The following SLC18B1 variants were observed in gnomAD, a reference collection of about 807,000 sequenced individuals.
The protein encoded by SLC18B1 is MFS-type transporter SLC18B1.
Under a neutral mutation model 53.9 loss-of-function variants are expected in SLC18B1, and 62 were observed. The ratio of observed to expected loss-of-function variants is 1.15; its 90% CI spans 0.94 to 1.42. The LOEUF is 1.42. Ranked by LOEUF, SLC18B1 falls within the 40% of genes most tolerant of loss-of-function variation. SLC18B1 has a pLI of 0.00. For synonymous variants in SLC18B1, 217 were observed against 200.9 expected (o/e 1.08, Z -0.68); for missense variants, 598 against 547.3 (o/e 1.09, Z -0.93).
At chr6:132,786,599 AC>A (rs1781383021) in intron 5 of SLC18B1, among the ~76,000 whole-genome samples, 1 of 150,854 alleles carries the variant, frequency 6.6e-6, no homozygotes, top group African/African-American at 2.4e-5. Context: ...GACTATTTAC[AC>A]CACAAAGGGT....
chr6:132,796,741 C>A lies in SLC18B1; in HGVS notation c.183+241G>T, dbSNP rs959384598. The stretch of plus-strand genomic sequence containing the variant: ...AGACTACATGGTAAGAAAAGTAATT[C>A]TCAGAAGATCAACTACTTTTAGGTG... On this transcript the variant is annotated intron_variant, in intron 2 of 13. Transcript: ENST00000275227. Among the ~76,000 whole-genome samples, 7 of 152,012 alleles carry A rather than the reference C, an allele frequency of 4.6e-5. No individual in the cohort carries two copies. The East Asian group carries it at 1.4e-3, about 29-fold the overall frequency.
At chr6:132,778,262 A>T (rs1257240103) in intron 7 of SLC18B1, among the ~76,000 whole-genome samples, 2 of 152,172 alleles carry the variant, frequency 1.3e-5, no homozygotes, top group African/African-American at 4.8e-5. Context: ...GTATACGTGC[A>T]GGTCACAGGG....
At chr6:132,788,547 G>A (rs1490785626) in intron 4 of SLC18B1, among the ~76,000 whole-genome samples, 2 of 152,142 alleles carry the variant, frequency 1.3e-5, no homozygotes, top group Admixed American at 6.5e-5. Context: ...TCAGCCGAGT[G>A]TGGTGGCTCA....
intron 4 of SLC18B1, among the ~76,000 whole-genome samples, chr6:132,787,977 C>T (rs957911020): frequency 2.5e-4 from 38 of 151,728 alleles, no homozygotes; most frequent in African/African-American, 7.7e-4. Flanking sequence ...CTGGCCAACA[C>T]GGTGAAACCC....
At chr6:132,783,008 C>T (rs1292898306) in intron 6 of SLC18B1, among the ~76,000 whole-genome samples, 1 of 152,044 alleles carries the variant, frequency 6.6e-6, no homozygotes, top group East Asian at 1.9e-4. Context: ...CTCCTGACCT[C>T]AGGTGATCTG....
chr6:132,772,923 A>T (rs1174642142), intron 10 of SLC18B1, 70 bp downstream of exon 10: 7 of 1,135,866 alleles, frequency 6.2e-6, no homozygotes, highest in Non-Finnish European at 7.8e-6. Flanking sequence ...AAAATTGAGA[A>T]ATTCAAGAAA....
At chr6:132,798,292 GCCCCA>G in intron 1 of SLC18B1, 117 bp downstream of exon 1, 1 of 1,108,820 alleles carries the variant, frequency 9.0e-7, no homozygotes, top group Non-Finnish European at 1.2e-6. Context: ...CCACGATCAG[GCCCCA>G]GCCTTTTCCA....
In SLC18B1 at chr6:132,783,933, C is replaced by T. The variant is rs201493860; in HGVS notation, c.658G>A (p.Glu220Lys). The part of the protein sequence containing the change: ...PLNMYILPNY[E>K]SDPGEHSFWK... ...AAATGAGTAATAAGTGTGGACTTAC[C>T]GTAATTGGGTAAAATATACATATTG... The change falls in exon 6 of 14, where the codon GAG (glutamate) becomes AAG (lysine). Residue 220 changes from glutamate (E) to lysine (K), a missense_variant and splice_region_variant. By Grantham distance (56) the Glu-to-Lys change is moderately conservative. Transcript: ENST00000275227. 8.3e-5 allele frequency: 131 copies of T among 1,581,698 alleles called. No individual in the cohort carries two copies. Among genetic ancestry groups the T allele is most frequent in the Non-Finnish European group, 1.0e-4 (118 of 1,167,022 alleles).
rs1284065014 is a variant in SLC18B1 at position 132,784,075 on chromosome 6, A to T, written c.516T>A (p.Thr172=). The change falls in exon 6 of 14, where the codon ACT becomes ACA. Residue 172 remains threonine (T), a synonymous_variant. Coordinates refer to ENST00000275227, the MANE Select transcript of SLC18B1 (RefSeq NM_052831.3). ...CTAGTATTAGCCCCAGTCCAGAAAA[A>T]GTCTCAAGACTTCCCTTAAAATGAG... is the stretch of plus-strand genomic sequence containing the variant. ...NVATVLGSLE[T]FSGLGLILGP... is the part of the protein sequence containing the mutation. 3 of 1,566,890 alleles carry T rather than the reference A, an allele frequency of 1.9e-6. No individual in the cohort carries two copies. Among genetic ancestry groups the T allele is most frequent in the Non-Finnish European group, 2.6e-6 (3 of 1,163,076 alleles).
chr6:132,785,897 C>CAAAAAAAAAAAAAAAAAAGGAAAA (rs1781356342), intron 5 of SLC18B1, among the ~76,000 whole-genome samples: 1 of 81,180 alleles, frequency 1.2e-5, no homozygotes, highest in Non-Finnish European at 2.5e-5. Flanking sequence ...CCTGTCTCTA[C>CAAAAAAAAAAAAAAAAAAGGAAAA]AAAAAAAAAA....
In SLC18B1 at chr6:132,776,353, A is replaced by G; in HGVS notation, c.872T>C (p.Phe291Ser). 6.2e-7 allele frequency: 1 copy of G among 1,613,602 alleles called. No individual in the cohort carries two copies. The highest frequency in any genetic ancestry group is 8.5e-7 in the Non-Finnish European group (1 of 1,179,708). Reference sequence around the variant, plus strand: ...TGGCCTTTTATCACTTAGGAGACCAAATAGTGGTGAAGAGATGGCATAGGA... The same window carrying G: ...TGGCCTTTTATCACTTAGGAGACCAGATAGTGGTGAAGAGATGGCATAGGA... ...ALSYAISSPLFGLLSDKRPPL... is the reference protein window; with the variant it reads ...ALSYAISSPLSGLLSDKRPPL... The change falls in exon 8 of 14, where the codon TTT becomes TCT. Residue 291 changes from phenylalanine (F) to serine (S), a missense_variant. Phe to Ser is a radical substitution (Grantham distance 155). Coordinates refer to ENST00000275227, the MANE Select transcript of SLC18B1 (RefSeq NM_052831.3).
intron 7 of SLC18B1, 90 bp downstream of exon 7, chr6:132,779,178 G>C: frequency 6.8e-7 from 1 of 1,475,260 alleles, no homozygotes; most frequent in South Asian, 1.3e-5. Context: ...TCCCAGCCAC[G>C]CAAGGGTCTT....
At chr6:132,789,988 C>T in intron 3 of SLC18B1, 151 bp from the exon 4 acceptor site, 1 of 670,510 alleles carries the variant, frequency 1.5e-6, no homozygotes, top group Non-Finnish European at 2.5e-6. Flanking sequence ...TGACAGTACT[C>T]ATTGCTTAAA....
At position 132,772,148 on chromosome 6, in the gene SLC18B1, C is replaced by A; in HGVS notation, c.1144G>T (p.Ala382Ser). Residue 382 changes from alanine to serine, a missense_variant, in exon 11 of 14, where the codon GCA becomes TCA. By Grantham distance (99) the Ala-to-Ser change is moderately conservative. Coordinates refer to ENST00000275227, the MANE Select transcript of SLC18B1 (RefSeq NM_052831.3). ...ACTACTCACCCAATTGACCACATTGCACTAAAAAGACCTGATACAAGTCCC... is the reference window on the plus strand; with the variant it reads ...ACTACTCACCCAATTGACCACATTGAACTAAAAAGACCTGATACAAGTCCC... ...TLGLVSGLFS[A>S]MWSIGAFMGP... The A allele has an allele frequency of 6.4e-7, 1 of 1,572,328 alleles. No individual in the cohort carries two copies. Among genetic ancestry groups the A allele is most frequent in the Non-Finnish European group, 8.6e-7 (1 of 1,166,180 alleles).
rs1324554465 is a variant in SLC18B1 at position 132,796,311 on chromosome 6, C to T, written c.183+671G>A. On this transcript the variant is annotated intron_variant, in intron 2 of 13. Transcript: ENST00000275227. ...CGGAGCTTGCAGTGAGCCGAGATCG[C>T]GCCACTGCACTCCAGCCTGGGCGAG... is the stretch of plus-strand genomic sequence containing the variant. 2.1e-5 allele frequency among the ~76,000 whole-genome samples: 3 copies of T among 140,836 alleles called. No individual in the cohort carries two copies. In the Admixed American group the frequency reaches 2.2e-4, roughly 10 times the overall value. 92.4% of individuals were successfully genotyped at this position (140,836 alleles called of 152,430 possible). A position where few individuals can be genotyped will look rare whatever the true frequency, so the allele number is the denominator to read the frequency against.
In SLC18B1 at chr6:132,779,301, G is replaced by C; in HGVS notation, c.762C>G (p.Leu254=). The change falls in exon 7 of 14, where the codon CTC becomes CTG. Residue 254 remains leucine, a synonymous_variant. Coordinates refer to ENST00000275227, the MANE Select transcript of SLC18B1 (RefSeq NM_052831.3). ...INSLSSCFGF[L]DPTLSLFVLE... is the part of the protein sequence containing the mutation. The stretch of plus-strand genomic sequence containing the variant: ...AAACAAAGAGAGACAGAGTAGGATC[G>C]AGGAAGCCAAAACACGAGCTGAGTG... 1 of 1,613,972 alleles carries C rather than the reference G, an allele frequency of 6.2e-7. No homozygotes were observed. The highest frequency in any genetic ancestry group is 1.1e-5 in the South Asian group (1 of 91,072).
chr6:132,776,317 A>T lies in SLC18B1; in HGVS notation c.897+11T>A. On this transcript the variant is annotated intron_variant, in intron 8 of 13. Transcript: ENST00000275227. ...ACAAAAGTGACTCAAATATAAATTA[A>T]GTGTACGTACTGGCCTTTTATCACT... is the stretch of plus-strand genomic sequence containing the variant. The T allele has an allele frequency of 4.4e-6, 7 of 1,595,786 alleles. No individual in the cohort carries two copies. The highest frequency in any genetic ancestry group is 6.0e-6 in the Non-Finnish European group (7 of 1,165,244).
intron 5 of SLC18B1, among the ~76,000 whole-genome samples, chr6:132,784,807 A>C (rs572339105): frequency 2.0e-5 from 3 of 152,336 alleles, no homozygotes; most frequent in Admixed American, 6.5e-5. Flanking sequence ...CAAAAGATGA[A>C]AATAATCTAA....
intron 6 of SLC18B1, among the ~76,000 whole-genome samples, chr6:132,782,483 C>T (rs1158299686): frequency 6.6e-6 from 1 of 151,816 alleles, no homozygotes; most frequent in Non-Finnish European, 1.5e-5. Flanking sequence ...CTATGATGTA[C>T]AATAGATCTC....
Sources: gnomAD v4.1 joint callset for allele counts (sites outside exome capture counted in the v4.1 genomes callset) on GRCh38, gnomAD v4.1.1 for gene constraint, MANE v1.5 for transcripts, NCBI Gene and HGNC (gene_info 2026-07-23, HGNC 2026-07-21) for gene names.